Variants in CAMK2D observed in about 807,000 individuals in gnomAD.
The protein encoded by CAMK2D is calcium/calmodulin dependent protein kinase II delta, also known as calcium/calmodulin-dependent protein kinase type II subunit delta.
In CAMK2D, 37 loss-of-function variants were observed where a neutral mutation model predicts 84.0. The observed-to-expected ratio is 0.44, with a 90% CI of 0.34 to 0.58. CAMK2D has a LOEUF of 0.58. CAMK2D is among the 20% of genes least tolerant of loss of function. The pLI is 0.02. For synonymous variants in CAMK2D, 202 were observed against 212.5 expected (o/e 0.95, Z 0.43); for missense variants, 448 against 652.5 (o/e 0.69, Z 3.41).
At position 113,559,561 on chromosome 4, in the gene CAMK2D, T is replaced by C. The variant is rs188713301; in HGVS notation, c.276-7465A>G. ...TAAGCTACATATTATTAACGTCACA[T>C]GTACTGAAACAGCCTAGGAATCCTA... On this transcript the variant is annotated intron_variant, in intron 4 of 20. Coordinates refer to ENST00000511664, the MANE Select transcript of CAMK2D (RefSeq NM_001321571.2). 2.0e-5 allele frequency among the ~76,000 whole-genome samples: 3 copies of C among 152,354 alleles called. No individual in the cohort carries two copies. The East Asian group carries it at 5.8e-4, about 29-fold the overall frequency.
At chr4:113,506,881 G>A (rs963900691) in intron 13 of CAMK2D, among the ~76,000 whole-genome samples, 2 of 150,542 alleles carry the variant, frequency 1.3e-5, no homozygotes, top group Non-Finnish European at 1.5e-5. Flanking sequence ...ATCTGTACAA[G>A]TGCACATGTT....
At chr4:113,738,937 A>AAAAT (rs2099587066) in intron 2 of CAMK2D, among the ~76,000 whole-genome samples, 1 of 152,170 alleles carries the variant, frequency 6.6e-6, no homozygotes, top group Non-Finnish European at 1.5e-5. Flanking sequence ...ACACATCCCA[A>AAAAT]AAATGGGTTT....
chr4:113,542,268 C>T (rs1590956874), intron 6 of CAMK2D, among the ~76,000 whole-genome samples: 1 of 152,308 alleles, frequency 6.6e-6, no homozygotes, highest in Non-Finnish European at 1.5e-5. Flanking sequence ...CAAATACATA[C>T]TTTGTTTCAA....
At chr4:113,567,512 G>C (rs933849682) in intron 4 of CAMK2D, among the ~76,000 whole-genome samples, 2 of 151,958 alleles carry the variant, frequency 1.3e-5, no homozygotes. Context: ...GTTATACAGG[G>C]GGAAATCTTA....
At chr4:113,521,577 C>A (rs1295541678) in intron 8 of CAMK2D, among the ~76,000 whole-genome samples, 2 of 151,880 alleles carry the variant, frequency 1.3e-5, no homozygotes, top group Non-Finnish European at 2.9e-5. Context: ...AAAAATAAAT[C>A]AAGAAATAAG....
chr4:113,494,204 A>G (rs1474832822), intron 16 of CAMK2D, among the ~76,000 whole-genome samples: 57 of 152,324 alleles, frequency 3.7e-4, no homozygotes, highest in Non-Finnish European at 4.4e-5. Context: ...CCTTTGGAGG[A>G]GGAGAGGCAC....
intron 13 of CAMK2D, among the ~76,000 whole-genome samples, chr4:113,508,938 A>G (rs956133926): frequency 2.0e-5 from 3 of 152,242 alleles, no homozygotes; most frequent in Admixed American, 2.0e-4. Flanking sequence ...TGGTACTCTG[A>G]AAAGATAACA....
chr4:113,544,063 C>T (rs1229367808), intron 6 of CAMK2D, among the ~76,000 whole-genome samples: 2 of 152,064 alleles, frequency 1.3e-5, no homozygotes, highest in Non-Finnish European at 2.9e-5. Flanking sequence ...TACTAATTGT[C>T]TTCATGTGGC....
At chr4:113,513,441 T>C in intron 11 of CAMK2D, 71 bp from the exon 12 acceptor site, 1 of 935,524 alleles carries the variant, frequency 1.1e-6, no homozygotes, top group Non-Finnish European at 1.7e-6. Flanking sequence ...ATATAGAGTC[T>C]TTGATAACAA....
In CAMK2D at chr4:113,516,315, G is replaced by A. The variant is rs2098282583; in HGVS notation, c.697-1124C>T. Among the ~76,000 whole-genome samples, 4 of 152,152 alleles carry A rather than the reference G, an allele frequency of 2.6e-5. No individual in the cohort carries two copies. The South Asian group carries it at 6.2e-4, about 24-fold the overall frequency. ...ATTAGGAGCTGTTAAAGAAACACAC[G>A]AGGCTGTTTCTTAATGTTGTACAGG... On this transcript the variant is annotated intron_variant, in intron 9 of 20. Transcript: ENST00000511664.
chr4:113,745,702 G>A (rs1304540776), intron 2 of CAMK2D, among the ~76,000 whole-genome samples: 6 of 152,250 alleles, frequency 3.9e-5, no homozygotes, highest in East Asian at 1.9e-4. Context: ...GTGATGTAGC[G>A]TTTATTTTCT....
intron 3 of CAMK2D, among the ~76,000 whole-genome samples, chr4:113,631,177 A>AT (rs1355747162): frequency 6.6e-6 from 1 of 152,038 alleles, no homozygotes; most frequent in Non-Finnish European, 1.5e-5. Context: ...ACCTCTTCTT[A>AT]TCTCCTATCA....
At chr4:113,754,438 T>C in intron 2 of CAMK2D, 1 of 942,826 alleles carries the variant, frequency 1.1e-6, no homozygotes, top group Non-Finnish European at 1.3e-6. Flanking sequence ...ATTATTACCA[T>C]TAAAAAGATC....
intron 4 of CAMK2D, among the ~76,000 whole-genome samples, chr4:113,593,112 C>G (rs2098900356): frequency 6.6e-6 from 1 of 152,162 alleles, no homozygotes; most frequent in African/African-American, 2.4e-5. Flanking sequence ...CCCTGGCCTC[C>G]CAAAGTGCTG....
chr4:113,508,295 A>AAAAG, intron 13 of CAMK2D: 1 of 1,495,514 alleles, frequency 6.7e-7, no homozygotes. Flanking sequence ...AAGAGAAAGG[A>AAAAG]AAAGAAAAAA....
intron 16 of CAMK2D, among the ~76,000 whole-genome samples, chr4:113,498,416 G>C (rs1343848043): frequency 6.6e-6 from 1 of 152,128 alleles, no homozygotes; most frequent in Non-Finnish European, 1.5e-5. Context: ...TCTCCAGAAG[G>C]CTGTCTGGGT....
chr4:113,482,943 C>T (rs567750738), intron 16 of CAMK2D, among the ~76,000 whole-genome samples: 1 of 152,266 alleles, frequency 6.6e-6, no homozygotes, highest in African/African-American at 2.4e-5. Flanking sequence ...TGCTCACTTT[C>T]ATATAATGGA....
intron 9 of CAMK2D, 50 bp from the exon 10 acceptor site, chr4:113,515,241 C>A: frequency 7.5e-7 from 1 of 1,335,512 alleles, no homozygotes; most frequent in South Asian, 1.4e-5. Flanking sequence ...CACACTCGAT[C>A]AAACAGGGAA....
At position 113,761,655 on chromosome 4, in the gene CAMK2D, G is replaced by A. The variant is rs899073443; in HGVS notation, c.-587C>T. ...GCCGGCTTCCCTCCGGCGGGCGGCAGCGGCTCCGGCGAAGCGAGGCACCTT... is the reference window on the plus strand; with the variant it reads ...GCCGGCTTCCCTCCGGCGGGCGGCAACGGCTCCGGCGAAGCGAGGCACCTT... On this transcript the variant is annotated 5_prime_UTR_variant, in exon 1 of 21. Transcript: ENST00000511664. 2.0e-6 allele frequency: 2 copies of A among 985,094 alleles called. No individual in the cohort carries two copies. The highest frequency in any genetic ancestry group is 2.4e-6 in the Non-Finnish European group (2 of 829,774). 61.0% of individuals were successfully genotyped at this position (985,094 alleles called of 1,614,324 possible).
Sources: gnomAD v4.1 joint callset for allele counts (sites outside exome capture counted in the v4.1 genomes callset) on GRCh38, gnomAD v4.1.1 for gene constraint, MANE v1.5 for transcripts, NCBI Gene and HGNC (gene_info 2026-07-23, HGNC 2026-07-21) for gene names.